The following LRRC37A2 variants were observed in gnomAD, a reference collection of about 807,000 sequenced individuals.
The protein encoded by LRRC37A2 is leucine rich repeat containing 37 member A2, also known as leucine-rich repeat-containing protein 37A2.
LRRC37A2 carries 9 observed loss-of-function variants against 68.8 expected under a neutral mutation model. The observed-to-expected ratio is 0.13, with a 90% CI of 0.08 to 0.23. The LOEUF (loss-of-function observed/expected upper bound fraction) is 0.23. LRRC37A2 is among the 10% of genes least tolerant of loss of function. The pLI, the probability that LRRC37A2 is intolerant of heterozygous loss-of-function variation, is 1.00. For missense variants in LRRC37A2, 168 were observed against 950.4 expected (o/e 0.18, Z 10.82); for synonymous variants, 63 against 367.6 (o/e 0.17, Z 9.48).
At chr17:47,018,288 C>G in the LRRC37A2 span, 1 of 1,611,506 alleles carries the variant, frequency 6.2e-7, no homozygotes, top group Non-Finnish European at 8.5e-7. Context: ...GCCAGTTCAG[C>G]CTTCTGAGTC....
the LRRC37A2 span, among the ~76,000 whole-genome samples, chr17:46,730,729 A>G: frequency 1.3e-5 from 2 of 152,142 alleles, no homozygotes; most frequent in African/African-American, 2.4e-5. Context: ...GCTGGAGTTT[A>G]TATTTAGACA....
At chr17:46,499,420 G>T in the LRRC37A2 span, among the ~76,000 whole-genome samples, 3 of 150,208 alleles carry the variant, frequency 2.0e-5, no homozygotes, top group Admixed American at 2.0e-4. Flanking sequence ...GTCTGAAAAC[G>T]CAGGAGTCAA....
the LRRC37A2 span, among the ~76,000 whole-genome samples, chr17:46,894,387 G>A: frequency 6.6e-6 from 1 of 152,180 alleles, no homozygotes; most frequent in Non-Finnish European, 1.5e-5. Context: ...GTTTTGCCAG[G>A]CCTCATAAGA....
the LRRC37A2 span, among the ~76,000 whole-genome samples, chr17:46,897,988 G>T: frequency 6.6e-6 from 1 of 152,098 alleles, no homozygotes; most frequent in Non-Finnish European, 1.5e-5. Context: ...CCTCTAATGT[G>T]GTCTCCTCTT....
the LRRC37A2 span, among the ~76,000 whole-genome samples, chr17:46,814,684 T>TA: frequency 2.0e-5 from 3 of 152,222 alleles, no homozygotes; most frequent in Admixed American, 2.0e-4. Context: ...TCCTGCCTGT[T>TA]ACAAGTGTTA....
At chr17:47,014,626 G>C in the LRRC37A2 span, among the ~76,000 whole-genome samples, 1 of 151,486 alleles carries the variant, frequency 6.6e-6, no homozygotes, top group Non-Finnish European at 1.5e-5. Context: ...ACTGAGGATT[G>C]TATTACTACA....
the LRRC37A2 span, chr17:47,018,622 A>G: frequency 1.7e-4 from 262 of 1,520,412 alleles, no homozygotes; most frequent in Non-Finnish European, 2.3e-4. Flanking sequence ...GTTCAACAGG[A>G]GACTTCATTT....
the LRRC37A2 span, chr17:47,021,909 G>T: frequency 6.6e-7 from 1 of 1,521,134 alleles, no homozygotes; most frequent in Non-Finnish European, 9.1e-7. Context: ...GTGTACAGTT[G>T]GACCGAGAAA....
chr17:46,715,362 A>G, the LRRC37A2 span, among the ~76,000 whole-genome samples: 2 of 152,140 alleles, frequency 1.3e-5, no homozygotes, highest in African/African-American at 4.8e-5. Context: ...TTTCCCTCTG[A>G]TGGGAACCCT....
the LRRC37A2 span, among the ~76,000 whole-genome samples, chr17:46,971,073 C>T: frequency 2.6e-5 from 4 of 152,088 alleles, no homozygotes; most frequent in Middle Eastern, 3.4e-3. Context: ...AAACATAGGC[C>T]GGTGCGGTGG....
chr17:47,021,800 G>A, the LRRC37A2 span: 2 of 1,226,536 alleles, frequency 1.6e-6, no homozygotes, highest in Non-Finnish European at 2.4e-6. Context: ...TACTTATCGT[G>A]TTCATTGTTT....
chr17:46,954,937 C>G, the LRRC37A2 span, among the ~76,000 whole-genome samples: 2 of 152,164 alleles, frequency 1.3e-5, no homozygotes, highest in African/African-American at 4.8e-5. Context: ...GTGGGGTTTT[C>G]TAGATATACA....
At chr17:46,713,875 T>C in the LRRC37A2 span, 9 of 1,611,930 alleles carry the variant, frequency 5.6e-6, no homozygotes, top group Non-Finnish European at 6.8e-6. Context: ...GTGGGAAGAC[T>C]GCTTTAGCTG....
chr17:46,900,202 T>TATATACATACATATATATATACACACAC, the LRRC37A2 span, among the ~76,000 whole-genome samples: 26 of 101,148 alleles, frequency 2.6e-4, no homozygotes, highest in African/African-American at 1.3e-3. Context: ...TATATATATA[T>TATATACATACATATATATATACACACAC]ACACACACAC....
chr17:46,925,691 T>A, the LRRC37A2 span, among the ~76,000 whole-genome samples: 2 of 152,188 alleles, frequency 1.3e-5, no homozygotes, highest in Non-Finnish European at 2.9e-5. Context: ...TGTAGCTGAG[T>A]TGACACAACA....
At chr17:47,034,469 G>A in the LRRC37A2 span, among the ~76,000 whole-genome samples, 1 of 152,100 alleles carries the variant, frequency 6.6e-6, no homozygotes. Context: ...TGAGCTCAAG[G>A]CTATGGATGA....
chr17:46,533,521 G>A (rs1321526407), intron 6 of LRRC37A2, among the ~76,000 whole-genome samples: 1 of 141,150 alleles, frequency 7.1e-6, no homozygotes, highest in Non-Finnish European at 1.5e-5. Flanking sequence ...CTTTATTTTG[G>A]GACAGAGTCT....
At chr17:46,979,237 G>T in the LRRC37A2 span, 2 of 411,656 alleles carry the variant, frequency 4.9e-6, no homozygotes, top group Non-Finnish European at 8.7e-6. Context: ...AGGAGCTGGA[G>T]CCGGAGAACC....
At chr17:46,756,168 CTCAG>C in the LRRC37A2 span, 3 of 207,658 alleles carry the variant, frequency 1.4e-5, no homozygotes, top group Middle Eastern at 1.7e-3. Context: ...CTTGAAAACT[CTCAG>C]TCAGTGTCAT....
Sources: gnomAD v4.1 joint callset for allele counts (sites outside exome capture counted in the v4.1 genomes callset) on GRCh38, gnomAD v4.1.1 for gene constraint, MANE v1.5 for transcripts, NCBI Gene and HGNC (gene_info 2026-07-23, HGNC 2026-07-21) for gene names.